Variants in KIF13B observed in about 807,000 individuals in gnomAD.
KIF13B encodes kinesin family member 13B, also known as kinesin-like protein KIF13B.
KIF13B carries 127 observed loss-of-function variants against 222.0 expected under a neutral mutation model. That is an observed-to-expected ratio of 0.57 (90% confidence interval 0.50 to 0.66). KIF13B has a LOEUF of 0.66. Ranked by LOEUF, KIF13B falls within the 30% of genes least tolerant of loss-of-function variation. The pLI is 0.00. For synonymous variants in KIF13B, 976 were observed against 919.0 expected (o/e 1.06, Z -1.12); for missense variants, 2,173 against 2,379.0 (o/e 0.91, Z 1.80).
intron 2 of KIF13B, among the ~76,000 whole-genome samples, chr8:29,210,441 C>T (rs995881968): frequency 7.2e-5 from 11 of 152,166 alleles, no homozygotes; most frequent in South Asian, 2.1e-4. Context: ...CAGATGAGAT[C>T]ACAACCAAAC....
intron 2 of KIF13B, among the ~76,000 whole-genome samples, chr8:29,213,638 GGC>G (rs1814334176): frequency 6.6e-6 from 1 of 152,162 alleles, no homozygotes; most frequent in African/African-American, 2.4e-5. Flanking sequence ...CACAATAGTA[GGC>G]ATTTGTGTAT....
At chr8:29,250,077 A>G (rs1280713688) in intron 1 of KIF13B, 2 of 1,285,260 alleles carry the variant, frequency 1.6e-6, no homozygotes, top group African/African-American at 3.0e-5. Context: ...GGCTCCTTAC[A>G]GTCAAATCTG....
Position 29,070,818 on chromosome 8 carries a change from C to CAGA in KIF13B, c.5219-53_5219-52insTCT. The CAGA allele has an allele frequency of 6.5e-7, 1 of 1,550,088 alleles. No individual in the cohort carries two copies. The highest frequency in any genetic ancestry group is 8.7e-7 in the Non-Finnish European group (1 of 1,144,724). On this transcript the variant is annotated intron_variant, in intron 39 of 39. Coordinates refer to ENST00000524189, the MANE Select transcript of KIF13B (RefSeq NM_015254.4). The surrounding 1 kb of genome is among the most constrained non-coding windows in gnomAD (Gnocchi z 4.1). ...GAGGGCAGCCGAGCTGCAGACGGCC[C>CAGA]CCTGCACCTCCCTTACCTCTGCAGA... is the stretch of plus-strand genomic sequence containing the variant.
At chr8:29,246,118 G>A (rs1285867603) in intron 1 of KIF13B, among the ~76,000 whole-genome samples, 6 of 152,120 alleles carry the variant, frequency 3.9e-5, no homozygotes, top group Admixed American at 2.0e-4. Context: ...GGTGGCTCAC[G>A]TCTGTAATCC....
At chr8:29,146,294 A>G in intron 18 of KIF13B, 84 bp downstream of exon 18, 1 of 1,404,774 alleles carries the variant, frequency 7.1e-7, no homozygotes, top group Non-Finnish European at 1.0e-6. Flanking sequence ...ACAGACAGGG[A>G]TCTGAAGCTT....
At chr8:29,224,658 T>C (rs1237710340) in intron 2 of KIF13B, among the ~76,000 whole-genome samples, 3 of 150,008 alleles carry the variant, frequency 2.0e-5, no homozygotes, top group South Asian at 4.2e-4. Flanking sequence ...TCCGTGTTTA[T>C]AGAACCCCCC....
At chr8:29,192,095 C>T (rs556249449) in intron 3 of KIF13B, among the ~76,000 whole-genome samples, 1 of 152,302 alleles carries the variant, frequency 6.6e-6, no homozygotes, top group Admixed American at 6.5e-5. Context: ...TTTATGCTGT[C>T]ATTTCCATTA....
intron 12 of KIF13B, among the ~76,000 whole-genome samples, chr8:29,161,451 T>C (rs1223636756): frequency 1.3e-5 from 2 of 152,180 alleles, no homozygotes; most frequent in Admixed American, 6.5e-5. Context: ...ATGCCTGTAA[T>C]CCCAGCACTG....
chr8:29,127,535 A>G (rs1163824495), intron 24 of KIF13B, among the ~76,000 whole-genome samples: 2 of 152,258 alleles, frequency 1.3e-5, no homozygotes, highest in Non-Finnish European at 2.9e-5. Context: ...AAGGAAATGC[A>G]AACAGTTGGC....
chr8:29,159,338 C>T (rs1460403796), intron 13 of KIF13B, among the ~76,000 whole-genome samples: 4 of 151,974 alleles, frequency 2.6e-5, no homozygotes, highest in African/African-American at 7.2e-5. Flanking sequence ...TTAGTAGAGA[C>T]GGAGTTTCAT....
intron 37 of KIF13B, among the ~76,000 whole-genome samples, chr8:29,078,802 G>C (rs939551465): frequency 1.3e-5 from 2 of 152,232 alleles, no homozygotes; most frequent in Non-Finnish European, 1.5e-5. Flanking sequence ...GACAGAGATG[G>C]AAAAGGACTA....
At chr8:29,159,995 G>C (rs1183042363) in intron 13 of KIF13B, among the ~76,000 whole-genome samples, 1 of 152,208 alleles carries the variant, frequency 6.6e-6, no homozygotes, top group African/African-American at 2.4e-5. Flanking sequence ...TGTGCCAACA[G>C]TTATCAACTC....
chr8:29,171,585 C>T (rs749158763), intron 10 of KIF13B, among the ~76,000 whole-genome samples: 5 of 151,108 alleles, frequency 3.3e-5, no homozygotes, highest in Non-Finnish European at 7.4e-5. Context: ...CAACAGGGAC[C>T]TAAAACCCAC....
At chr8:29,247,163 T>C (rs1351080258) in intron 1 of KIF13B, among the ~76,000 whole-genome samples, 2 of 151,980 alleles carry the variant, frequency 1.3e-5, no homozygotes, top group African/African-American at 2.4e-5. Flanking sequence ...GATGGGGGGA[T>C]CATTTAAGGC....
At chr8:29,146,859 C>G (rs1365944372) in intron 17 of KIF13B, among the ~76,000 whole-genome samples, 1 of 152,184 alleles carries the variant, frequency 6.6e-6, no homozygotes, top group Non-Finnish European at 1.5e-5. Flanking sequence ...TGAAATCCTA[C>G]ATTTCTATCA....
At chr8:29,216,852 C>T (rs138539782) in intron 2 of KIF13B, among the ~76,000 whole-genome samples, 3 of 152,106 alleles carry the variant, frequency 2.0e-5, no homozygotes, top group African/African-American at 7.2e-5. Context: ...TAAGCTGTGG[C>T]GCAGGGCTGA....
chr8:29,232,063 T>C (rs1180322699), intron 2 of KIF13B, among the ~76,000 whole-genome samples: 1 of 152,136 alleles, frequency 6.6e-6, no homozygotes, highest in Non-Finnish European at 1.5e-5. Flanking sequence ...GAGACTAGCC[T>C]GGGCAACATG....
chr8:29,154,095 G>A (rs1385631401), intron 14 of KIF13B, among the ~76,000 whole-genome samples: 1 of 152,184 alleles, frequency 6.6e-6, no homozygotes, highest in African/African-American at 2.4e-5. Context: ...AGGATCATTT[G>A]AGCCCAGAAG....
At chr8:29,123,277 C>T (rs1409990526) in intron 28 of KIF13B, 89 bp downstream of exon 28, 1 of 1,449,052 alleles carries the variant, frequency 6.9e-7, no homozygotes, top group Non-Finnish European at 9.4e-7. Context: ...TTGACTCTTC[C>T]ATTAACCGTA....
Sources: gnomAD v4.1 joint callset for allele counts (sites outside exome capture counted in the v4.1 genomes callset) on GRCh38, gnomAD v4.1.1 for gene constraint, Gnocchi (gnomAD v3.1) non-coding constraint, MANE v1.5 for transcripts, NCBI Gene and HGNC (gene_info 2026-07-23, HGNC 2026-07-21) for gene names.